GRM7: variants seen among roughly 807,000 people sequenced by gnomAD.
GRM7 encodes the protein glutamate metabotropic receptor 7, also known as metabotropic glutamate receptor 7.
A neutral mutation model predicts 84.5 loss-of-function variants in GRM7; 35 were observed. The ratio of observed to expected loss-of-function variants is 0.41; its 90% CI spans 0.32 to 0.55. The LOEUF is 0.55. GRM7 is among the 20% of genes least tolerant of loss of function. The pLI is 0.19. For synonymous variants in GRM7, 487 were observed against 455.1 expected, an observed-to-expected ratio of 1.07 and a Z score of -0.89; for missense variants, 1,003 against 1,194.6, an observed-to-expected ratio of 0.84 and a Z score of 2.36.
chr3:7,727,830 C>G (rs750973741), intron 9 of GRM7, among the ~76,000 whole-genome samples: 3 of 152,128 alleles, frequency 2.0e-5, no homozygotes, highest in Non-Finnish European at 4.4e-5. Flanking sequence ...AGGTCCCAAC[C>G]TTTCCATCTC....
At position 7,573,424 on chromosome 3, in the gene GRM7, T is replaced by C. The variant is rs3792462; in HGVS notation, c.1516-4998T>C. 2.3e-3 allele frequency among the ~76,000 whole-genome samples: 346 copies of C among 152,288 alleles called. 3 individuals are homozygous for C. The East Asian group carries it at 0.055, about 24-fold the overall frequency. On this transcript the variant is annotated intron_variant, in intron 7 of 9. Transcript: ENST00000357716. The stretch of plus-strand genomic sequence containing the variant: ...ACCAAGAAAAATATCCCTGAAGTGA[T>C]AAAATTTTCTTTTAGATAGAGTGTG...
chr3:7,621,498 T>C (rs954249034), intron 8 of GRM7, among the ~76,000 whole-genome samples: 2 of 152,158 alleles, frequency 1.3e-5, no homozygotes, highest in African/African-American at 4.8e-5. Flanking sequence ...AAAATGTGAC[T>C]TGCATTAGTC....
At chr3:7,302,534 C>T (rs1240879092) in intron 3 of GRM7, among the ~76,000 whole-genome samples, 7 of 152,070 alleles carry the variant, frequency 4.6e-5, no homozygotes, top group Non-Finnish European at 2.9e-5. Context: ...CCTCCCCAAA[C>T]ATGTTAATAA....
chr3:6,979,456 C>T (rs1167239030), intron 1 of GRM7, among the ~76,000 whole-genome samples: 7 of 152,112 alleles, frequency 4.6e-5, no homozygotes, highest in East Asian at 1.9e-4. Context: ...GACCCAACAA[C>T]CACGTTTCTA....
intron 1 of GRM7, among the ~76,000 whole-genome samples, chr3:6,988,506 T>C (rs1453729327): frequency 6.6e-6 from 1 of 152,188 alleles, no homozygotes; most frequent in African/African-American, 2.4e-5. Flanking sequence ...TGGCAGGTCT[T>C]AATGTTATCC....
At chr3:7,062,640 G>A (rs1447479931) in intron 1 of GRM7, among the ~76,000 whole-genome samples, 1 of 151,640 alleles carries the variant, frequency 6.6e-6, no homozygotes, top group African/African-American at 2.4e-5. Flanking sequence ...ATGAGCAGTG[G>A]AAAATTCCAT....
chr3:6,913,273 G>A (rs1302132410), intron 1 of GRM7, among the ~76,000 whole-genome samples: 2 of 152,174 alleles, frequency 1.3e-5, no homozygotes, highest in East Asian at 3.8e-4. Context: ...TGGGTAGCTA[G>A]ATGATATCCA....
chr3:7,647,071 C>T (rs527569327), intron 8 of GRM7, among the ~76,000 whole-genome samples: 1 of 152,292 alleles, frequency 6.6e-6, no homozygotes, highest in South Asian at 2.1e-4. Flanking sequence ...GTAGTCCATG[C>T]TTGATGAAAT....
intron 2 of GRM7, 58 bp downstream of exon 2, chr3:7,146,726 G>A (rs1004511568): frequency 8.1e-7 from 1 of 1,236,766 alleles, no homozygotes; most frequent in African/African-American, 1.5e-5. Flanking sequence ...GGCTTGTAGA[G>A]TTCTCTTCAA....
chr3:7,592,031 A>G (rs1414752703), intron 8 of GRM7, among the ~76,000 whole-genome samples: 1 of 152,186 alleles, frequency 6.6e-6, no homozygotes, highest in African/African-American at 2.4e-5. Flanking sequence ...TATTTGTCTC[A>G]TAAGGTTTTC....
intron 2 of GRM7, among the ~76,000 whole-genome samples, chr3:7,215,212 C>T (rs988003972): frequency 1.3e-5 from 2 of 152,148 alleles, no homozygotes; most frequent in South Asian, 2.1e-4. Context: ...TGTATCATTT[C>T]CGATCATTAC....
chr3:7,389,916 T>A (rs1694925934), intron 4 of GRM7, among the ~76,000 whole-genome samples: 1 of 152,122 alleles, frequency 6.6e-6, no homozygotes, highest in East Asian at 1.9e-4. Context: ...ATAGCATTGA[T>A]CATGTGGTTA....
chr3:7,590,625 T>C (rs142978628), intron 8 of GRM7, among the ~76,000 whole-genome samples: 1 of 152,300 alleles, frequency 6.6e-6, no homozygotes, highest in African/African-American at 2.4e-5. Context: ...TGGTAGTATT[T>C]CTGCTCCTGA....
At chr3:7,131,599 C>A (rs1410664762) in intron 1 of GRM7, among the ~76,000 whole-genome samples, 1 of 152,112 alleles carries the variant, frequency 6.6e-6, no homozygotes, top group Non-Finnish European at 1.5e-5. Flanking sequence ...CTGCCTCGGC[C>A]TCCTGAGTAG....
chr3:7,202,767 C>T (rs1257694408), intron 2 of GRM7, among the ~76,000 whole-genome samples: 1 of 152,280 alleles, frequency 6.6e-6, no homozygotes, highest in Non-Finnish European at 1.5e-5. Context: ...CCAAAATCTC[C>T]AGGGAAGGGG....
chr3:7,026,624 C>T (rs1286809451), intron 1 of GRM7, among the ~76,000 whole-genome samples: 1 of 152,140 alleles, frequency 6.6e-6, no homozygotes, highest in Non-Finnish European at 1.5e-5. Flanking sequence ...GGGAAAAATG[C>T]TCAATTATGC....
chr3:7,150,600 G>A (rs1352017261), intron 2 of GRM7, among the ~76,000 whole-genome samples: 1 of 152,146 alleles, frequency 6.6e-6, no homozygotes, highest in Admixed American at 6.5e-5. Flanking sequence ...TTTCTCAGAC[G>A]ATGAGGTTTT....
chr3:7,250,739 G>A (rs1186596897), intron 2 of GRM7, among the ~76,000 whole-genome samples: 2 of 152,064 alleles, frequency 1.3e-5, no homozygotes, highest in Admixed American at 6.6e-5. Flanking sequence ...GGCCAGGCTG[G>A]TCTCGAACTC....
chr3:7,215,966 C>G lies in GRM7; in HGVS notation c.736+69298C>G, dbSNP rs576944167. Among the ~76,000 whole-genome samples, 5 of 152,148 alleles carry G rather than the reference C, an allele frequency of 3.3e-5. No individual in the cohort carries two copies. The East Asian group carries it at 9.7e-4, about 29-fold the overall frequency. ...GGAAAACCTTCCTGGCAAAGATACC[C>G]CAAGTCAGAGGACAGGAATAAGAAC... On this transcript the variant is annotated intron_variant, in intron 2 of 9. Coordinates refer to ENST00000357716, the MANE Select transcript of GRM7 (RefSeq NM_000844.4).
Sources: gnomAD v4.1 joint callset for allele counts (sites outside exome capture counted in the v4.1 genomes callset) on GRCh38, gnomAD v4.1.1 for gene constraint, MANE v1.5 for transcripts, NCBI Gene and HGNC (gene_info 2026-07-23, HGNC 2026-07-21) for gene names.